Variants in TBC1D22A observed in about 807,000 individuals in gnomAD.
The protein encoded by TBC1D22A is TBC1 domain family member 22A, also known as putative GTPase activator.
A neutral mutation model predicts 60.2 loss-of-function variants in TBC1D22A; 38 were observed. The observed-to-expected ratio is 0.63, with a 90% CI of 0.49 to 0.83. TBC1D22A has a LOEUF of 0.83. Ranked by LOEUF, TBC1D22A falls within the 40% of genes least tolerant of loss-of-function variation. The pLI, the probability that TBC1D22A is intolerant of heterozygous loss-of-function variation, is 0.00. For synonymous variants in TBC1D22A, 302 were observed against 281.7 expected, an observed-to-expected ratio of 1.07 and a Z score of -0.72; for missense variants, 628 against 701.0, an observed-to-expected ratio of 0.90 and a Z score of 1.18.
intron 12 of TBC1D22A, among the ~76,000 whole-genome samples, chr22:47,167,758 C>T (rs927200223): frequency 6.6e-6 from 1 of 152,114 alleles, no homozygotes; most frequent in South Asian, 2.1e-4. Flanking sequence ...GAAAAAGCAC[C>T]ATTCGATTGG....
intron 8 of TBC1D22A, among the ~76,000 whole-genome samples, chr22:46,947,507 G>A (rs928967070): frequency 2.6e-5 from 4 of 152,182 alleles, no homozygotes; most frequent in Admixed American, 1.3e-4. Flanking sequence ...CCTGCTGGTG[G>A]GACAGAGGCA....
At chr22:46,907,484 C>T (rs1344049352) in intron 7 of TBC1D22A, among the ~76,000 whole-genome samples, 1 of 152,202 alleles carries the variant, frequency 6.6e-6, no homozygotes, top group Non-Finnish European at 1.5e-5. Flanking sequence ...TCCACACAGA[C>T]CCCCAGAATG....
chr22:47,005,748 G>C (rs575487067), intron 10 of TBC1D22A, among the ~76,000 whole-genome samples: 4 of 147,588 alleles, frequency 2.7e-5, no homozygotes, highest in East Asian at 2.0e-4. Flanking sequence ...GTACACTCCC[G>C]TATACACACA....
chr22:46,854,861 C>T lies in TBC1D22A; in HGVS notation c.638-23792C>T, dbSNP rs117122746. On this transcript the variant is annotated intron_variant, in intron 4 of 12. Transcript: ENST00000337137. ...GTGTTCATCCTCTGTTTCATCCAGA[C>T]ATAGGAACCTGCTGATCCCCCGGCT... 5.3e-4 allele frequency among the ~76,000 whole-genome samples: 81 copies of T among 152,224 alleles called. No homozygotes were observed. The East Asian group carries it at 0.013, about 24-fold the overall frequency.
intron 1 of TBC1D22A, among the ~76,000 whole-genome samples, chr22:46,785,380 A>G (rs1008566863): frequency 6.6e-6 from 1 of 152,238 alleles, no homozygotes; most frequent in Non-Finnish European, 1.5e-5. Flanking sequence ...CGGGAACCCA[A>G]GAGGACCAGG....
intron 3 of TBC1D22A, among the ~76,000 whole-genome samples, chr22:46,794,183 G>A (rs946080690): frequency 6.6e-6 from 1 of 152,204 alleles, no homozygotes; most frequent in Non-Finnish European, 1.5e-5. Context: ...AAGCGCCTGG[G>A]GACACTGTCT....
chr22:46,847,247 G>C (rs1046286877), intron 4 of TBC1D22A, among the ~76,000 whole-genome samples: 5 of 152,202 alleles, frequency 3.3e-5, no homozygotes, highest in Non-Finnish European at 7.3e-5. Context: ...GTGTAGAAGA[G>C]ATTGCCACCA....
Position 47,037,063 on chromosome 22 carries a change from T to C in TBC1D22A, c.1202-8T>C. On this transcript the variant is annotated splice_region_variant and splice_polypyrimidine_tract_variant and intron_variant, in intron 10 of 12. Transcript: ENST00000337137. The stretch of plus-strand genomic sequence containing the variant: ...GACAGCCTTGGGGCCTGTGTTTGTT[T>C]TGTGCAGAGCAAGTGCACCGGCACC... The C allele has an allele frequency of 6.2e-7, 1 of 1,613,220 alleles. No individual in the cohort carries two copies. The highest frequency in any genetic ancestry group is 8.5e-7 in the Non-Finnish European group (1 of 1,179,474).
At chr22:47,139,817 T>A (rs1051273012) in intron 12 of TBC1D22A, among the ~76,000 whole-genome samples, 6 of 152,352 alleles carry the variant, frequency 3.9e-5, no homozygotes, top group African/African-American at 1.4e-4. Context: ...CCGCCCTGCT[T>A]ATGTCTCCAG....
intron 10 of TBC1D22A, among the ~76,000 whole-genome samples, chr22:47,018,934 G>A (rs1401707832): frequency 6.7e-6 from 1 of 149,310 alleles, no homozygotes; most frequent in East Asian, 1.9e-4. Flanking sequence ...TCCTGTCTTA[G>A]CCAGACGTTC....
At chr22:46,887,859 A>T in intron 5 of TBC1D22A, among the ~76,000 whole-genome samples, 1 of 152,214 alleles carries the variant, frequency 6.6e-6, no homozygotes, top group Non-Finnish European at 1.5e-5. Context: ...TGTGATCCTA[A>T]TGTGTTAACA....
chr22:47,093,623 T>G (rs1263519837), intron 11 of TBC1D22A, among the ~76,000 whole-genome samples: 1 of 152,142 alleles, frequency 6.6e-6, no homozygotes, highest in Non-Finnish European at 1.5e-5. Context: ...TCAATTGGTA[T>G]ATAAAAGGAC....
chr22:47,169,297 ACT>A (rs1204086412), intron 12 of TBC1D22A, among the ~76,000 whole-genome samples: 4 of 151,848 alleles, frequency 2.6e-5, no homozygotes, highest in Non-Finnish European at 5.9e-5. Flanking sequence ...AGCGTGAGCA[ACT>A]CTGTCCACTC....
chr22:46,791,533 T>G (rs1198635725), intron 1 of TBC1D22A, among the ~76,000 whole-genome samples: 1 of 43,852 alleles, frequency 2.3e-5, no homozygotes, highest in East Asian at 1.0e-3. Context: ...CTAAGCCTGT[T>G]TTTTTTTTTT....
chr22:46,904,621 A>G (rs571049604), intron 7 of TBC1D22A, among the ~76,000 whole-genome samples: 1 of 151,866 alleles, frequency 6.6e-6, no homozygotes, highest in Non-Finnish European at 1.5e-5. Context: ...GGCGCCCGCC[A>G]CCACGCCCGG....
chr22:46,999,907 C>G (rs1327357213), intron 10 of TBC1D22A, among the ~76,000 whole-genome samples: 1 of 152,122 alleles, frequency 6.6e-6, no homozygotes, highest in Non-Finnish European at 1.5e-5. Flanking sequence ...CGCCTGGAGT[C>G]CCAGCTGCTT....
chr22:46,984,937 C>T (rs938175474), intron 9 of TBC1D22A, among the ~76,000 whole-genome samples: 2 of 152,140 alleles, frequency 1.3e-5, no homozygotes, highest in African/African-American at 2.4e-5. Context: ...TGGGGGAAGC[C>T]CTGTCCTGCA....
At chr22:46,992,083 G>A (rs1304024874) in intron 9 of TBC1D22A, among the ~76,000 whole-genome samples, 1 of 152,232 alleles carries the variant, frequency 6.6e-6, no homozygotes, top group Non-Finnish European at 1.5e-5. Context: ...GTGAACAGAA[G>A]GGTCCTGTCT....
chr22:46,874,679 T>G (rs893870365), intron 4 of TBC1D22A, among the ~76,000 whole-genome samples: 1 of 150,430 alleles, frequency 6.6e-6, no homozygotes, highest in African/African-American at 2.5e-5. Flanking sequence ...GTTCAAGTGA[T>G]TCTCCTGCCT....
Sources: allele counts gnomAD v4.1 joint callset (sites outside exome capture counted in the v4.1 genomes callset), GRCh38; gene constraint gnomAD v4.1.1; transcripts MANE v1.5; gene names NCBI Gene and HGNC (gene_info 2026-07-23, HGNC 2026-07-21).